The following CREB5 variants were observed in gnomAD, a reference collection of about 807,000 sequenced individuals.
CREB5 encodes cAMP responsive element binding protein 5.
CREB5 carries 19 observed loss-of-function variants against 57.1 expected under a neutral mutation model. The observed-to-expected ratio is 0.33, with a 90% CI of 0.23 to 0.49. The LOEUF is 0.49. Among genes scored for constraint, CREB5 ranks in the 20% least tolerant of loss-of-function variants. The pLI is 0.99. For missense variants in CREB5, 579 were observed against 671.6 expected (o/e 0.86, Z 1.52); for synonymous variants, 238 against 238.3 (o/e 1.00, Z 0.01).
intron 5 of CREB5, among the ~76,000 whole-genome samples, chr7:28,580,558 G>GGTGTGTGTGTGTGTGTGT (rs371277784): frequency 7.2e-5 from 9 of 124,906 alleles, no homozygotes; most frequent in Non-Finnish European, 1.5e-4. Context: ...TTGGCAAATT[G>GGTGTGTGTGTGTGTGTGT]GTGTGTGTGT....
chr7:28,467,393 CT>C (rs948928572), intron 1 of CREB5, among the ~76,000 whole-genome samples: 3 of 152,208 alleles, frequency 2.0e-5, no homozygotes, highest in Admixed American at 1.3e-4. Flanking sequence ...TATTCCGTCC[CT>C]GCTTTTTTCT....
chr7:28,676,628 G>A, intron 5 of CREB5, among the ~76,000 whole-genome samples: 1 of 152,038 alleles, frequency 6.6e-6, no homozygotes, highest in East Asian at 1.9e-4. Flanking sequence ...GAGAGTGATG[G>A]GTGAAGATCC....
At chr7:28,532,353 T>C (rs1165412211) in intron 4 of CREB5, among the ~76,000 whole-genome samples, 1 of 152,242 alleles carries the variant, frequency 6.6e-6, no homozygotes, top group Admixed American at 6.5e-5. Flanking sequence ...GCTGCTGAAT[T>C]CCTGACATAG....
At chr7:28,803,313 C>T (rs1808481341) in intron 7 of CREB5, among the ~76,000 whole-genome samples, 1 of 152,220 alleles carries the variant, frequency 6.6e-6, no homozygotes, top group East Asian at 1.9e-4. Context: ...AAAAGACCTA[C>T]ACATTACCTC....
intron 5 of CREB5, among the ~76,000 whole-genome samples, chr7:28,576,810 A>G (rs2128653605): frequency 6.6e-6 from 1 of 152,282 alleles, no homozygotes; most frequent in Non-Finnish European, 1.5e-5. Flanking sequence ...GAACTTCTAC[A>G]CAGAACCTGG....
intron 3 of CREB5, among the ~76,000 whole-genome samples, chr7:28,497,955 T>G (rs1346332547): frequency 6.6e-6 from 1 of 152,232 alleles, no homozygotes; most frequent in Admixed American, 6.5e-5. Context: ...ACTATGTTTG[T>G]AGGCCAAATT....
intron 7 of CREB5, among the ~76,000 whole-genome samples, chr7:28,757,162 G>C (rs545862806): frequency 6.6e-6 from 1 of 152,092 alleles, no homozygotes. Flanking sequence ...GTAAATTCTC[G>C]CAACCGTCGT....
rs536150348 is a variant in CREB5, at chr7:28,389,057, A to G, written c.-25+89616A>G. On this transcript the variant is annotated intron_variant, in intron 1 of 9. Coordinates refer to the CREB5 transcript ENST00000396299. ...GAGAGGAACTATTTGTAGTAATTAAACAGCCATCTCTTTAGGATTCATACA... is the reference window on the plus strand; with the variant it reads ...GAGAGGAACTATTTGTAGTAATTAAGCAGCCATCTCTTTAGGATTCATACA... 2.0e-5 allele frequency among the ~76,000 whole-genome samples: 3 copies of G among 152,320 alleles called. No homozygotes were observed. The South Asian group carries it at 6.2e-4, about 32-fold the overall frequency.
At chr7:28,798,616 G>A (rs369506452) in intron 7 of CREB5, among the ~76,000 whole-genome samples, 7 of 152,134 alleles carry the variant, frequency 4.6e-5, no homozygotes, top group East Asian at 3.8e-4. Context: ...CCCTCCCGTC[G>A]CGGATAGTGG....
In CREB5 at chr7:28,316,358, G is replaced by C. The variant is rs1303949840; in HGVS notation, c.-25+16917G>C. 5.3e-5 allele frequency among the ~76,000 whole-genome samples: 8 copies of C among 152,156 alleles called. No homozygotes were observed. In the South Asian group the frequency reaches 1.7e-3, roughly 32 times the overall value. On this transcript the variant is annotated intron_variant, in intron 1 of 9. Transcript: ENST00000396299. Reference sequence around the variant, plus strand: ...TGCCTGACAATGCCTGGGAAAACCTGAGCCAAAAAGCTGGCCCGGGGACAC... The same window carrying C: ...TGCCTGACAATGCCTGGGAAAACCTCAGCCAAAAAGCTGGCCCGGGGACAC...
chr7:28,574,044 A>T (rs766197561), intron 5 of CREB5, among the ~76,000 whole-genome samples: 5 of 152,224 alleles, frequency 3.3e-5, no homozygotes, highest in Non-Finnish European at 5.9e-5. Context: ...ACAGCTATGG[A>T]GAGTGTGGGA....
intron 7 of CREB5, among the ~76,000 whole-genome samples, chr7:28,783,183 C>T (rs1344560388): frequency 1.3e-5 from 2 of 152,106 alleles, no homozygotes; most frequent in East Asian, 3.8e-4. Context: ...GAGACCTGGC[C>T]CCAGTACAGC....
At chr7:28,818,480 C>G (rs1450624884) in intron 10 of CREB5, among the ~76,000 whole-genome samples, 3 of 152,198 alleles carry the variant, frequency 2.0e-5, no homozygotes, top group African/African-American at 7.2e-5. Flanking sequence ...CCAGCTGAAG[C>G]CCAAGTACCA....
At chr7:28,538,413 T>A (rs1194534331) in intron 4 of CREB5, among the ~76,000 whole-genome samples, 3 of 152,068 alleles carry the variant, frequency 2.0e-5, no homozygotes, top group African/African-American at 7.2e-5. Context: ...TTTATTCGCT[T>A]AAAGTCTTTA....
chr7:28,522,971 C>T (rs1793275367), intron 4 of CREB5, among the ~76,000 whole-genome samples: 1 of 152,202 alleles, frequency 6.6e-6, no homozygotes, highest in African/African-American at 2.4e-5. Flanking sequence ...GAGAGACATC[C>T]ACTCGCTGTG....
rs570577752 is a variant in CREB5 at position 28,531,426 on chromosome 7, A to T, written c.291+23689A>T. On this transcript the variant is annotated intron_variant, in intron 4 of 10. Coordinates refer to ENST00000357727, the MANE Select transcript of CREB5 (RefSeq NM_182898.4). ...ATGCATCACTCCAGTCTCCACCTTC[A>T]TGTTCATATGGTGTTCATCCTGTGT... Among the ~76,000 whole-genome samples the T allele has an allele frequency of 6.4e-4, 97 of 152,126 alleles. 3 individuals are homozygous for T. The South Asian group carries it at 0.02, about 31-fold the overall frequency.
intron 1 of CREB5, among the ~76,000 whole-genome samples, chr7:28,428,372 G>C (rs998920728): frequency 6.6e-6 from 1 of 152,192 alleles, no homozygotes; most frequent in African/African-American, 2.4e-5. Context: ...CTCCATTGTG[G>C]TTGGAGGATC....
In CREB5 at chr7:28,488,264, C is replaced by T. The variant is rs1469210948; in HGVS notation, c.75+18C>T. On this transcript the variant is annotated intron_variant, in intron 2 of 10. Coordinates refer to ENST00000357727, the MANE Select transcript of CREB5 (RefSeq NM_182898.4). ...GCTCCCAGGTGAGTGTGCGGATCCT[C>T]CCTGCTCTGACATGCAGGGCCTGCT... The T allele has an allele frequency of 3.7e-6, 6 of 1,611,854 alleles. No individual in the cohort carries two copies. The East Asian group carries it at 6.7e-5, about 18-fold the overall frequency.
chr7:28,738,421 T>G (rs73075777), intron 7 of CREB5, among the ~76,000 whole-genome samples: 3,980 of 152,292 alleles, frequency 0.026, 147 homozygotes, highest in Admixed American at 0.096. Flanking sequence ...GTAGGCTCTT[T>G]GCCAACACAC....
Sources: allele counts gnomAD v4.1 joint callset (sites outside exome capture counted in the v4.1 genomes callset), GRCh38; gene constraint gnomAD v4.1.1; transcripts MANE v1.5; gene names NCBI Gene and HGNC (gene_info 2026-07-23, HGNC 2026-07-21).